SIPA1L3: variants seen among roughly 807,000 people sequenced by gnomAD.
SIPA1L3 encodes the protein signal-induced proliferation-associated 1-like protein 3.
Under a neutral mutation model 150.1 loss-of-function variants are expected in SIPA1L3, and 59 were observed. The ratio of observed to expected loss-of-function variants is 0.39; its 90% confidence interval spans 0.32 to 0.49. The LOEUF is 0.49. Among genes scored for constraint, SIPA1L3 ranks in the 20% least tolerant of loss-of-function variants. The probability of loss-of-function intolerance (pLI) is 0.86; values close to 1 mark genes in which losing one functional copy is unlikely to be tolerated. For synonymous variants in SIPA1L3, 1,070 were observed against 1,077.6 expected (o/e 0.99, Z 0.14); for missense variants, 2,211 against 2,489.5 (o/e 0.89, Z 2.38).
At chr19:38,124,563 G>A (rs948513089) in intron 9 of SIPA1L3, among the ~76,000 whole-genome samples, 3 of 151,694 alleles carry the variant, frequency 2.0e-5, no homozygotes, top group Non-Finnish European at 2.9e-5. Flanking sequence ...GACGATGGGC[G>A]GCCAGGCAGA....
Position 38,176,358 on chromosome 19 carries a change from C to A in SIPA1L3, c.4209-6161C>A, listed in dbSNP as rs147278086. On this transcript the variant is annotated intron_variant, in intron 15 of 21. Coordinates refer to ENST00000222345, the MANE Select transcript of SIPA1L3 (RefSeq NM_015073.3). ...GTGCCATTTATGTAGTTTAATTAGACTTTTTTTAGGGTTGGTTTTTTTTTT... is the reference window on the plus strand; with the variant it reads ...GTGCCATTTATGTAGTTTAATTAGAATTTTTTTAGGGTTGGTTTTTTTTTT... Among the ~76,000 whole-genome samples, 467 of 151,470 alleles carry A rather than the reference C, an allele frequency of 3.1e-3. 3 individuals are homozygous for A. The highest frequency in any genetic ancestry group is 0.011 in the African/African-American group (441 of 41,328).
chr19:38,007,589 T>A lies in SIPA1L3; in HGVS notation c.-378-21500T>A, dbSNP rs1228208743. Among the ~76,000 whole-genome samples, 10 of 151,920 alleles carry A rather than the reference T, an allele frequency of 6.6e-5. No individual in the cohort carries two copies. In the East Asian group the frequency reaches 1.9e-3, roughly 29 times the overall value. Reference sequence around the variant, plus strand: ...ATGCCAGTCAGCCCTGGAGCACTCTTCATTATTTATTATTATTATTATTAT... The same window carrying A: ...ATGCCAGTCAGCCCTGGAGCACTCTACATTATTTATTATTATTATTATTAT... On this transcript the variant is annotated intron_variant, in intron 1 of 21. Coordinates refer to ENST00000222345, the MANE Select transcript of SIPA1L3 (RefSeq NM_015073.3).
intron 1 of SIPA1L3, among the ~76,000 whole-genome samples, chr19:38,006,037 C>T (rs2145670010): frequency 6.6e-6 from 1 of 152,240 alleles, no homozygotes; most frequent in Non-Finnish European, 1.5e-5. Context: ...GACGCTGTCT[C>T]AAAGAAAAAT....
chr19:38,133,484 A>G (rs1294500163), intron 10 of SIPA1L3, among the ~76,000 whole-genome samples: 2 of 152,136 alleles, frequency 1.3e-5, no homozygotes, highest in African/African-American at 4.8e-5. Context: ...GTCCCTAGCA[A>G]CCTCCAGAAG....
intron 1 of SIPA1L3, among the ~76,000 whole-genome samples, chr19:37,993,594 T>A (rs1410709273): frequency 6.6e-6 from 1 of 152,152 alleles, no homozygotes; most frequent in African/African-American, 2.4e-5. Flanking sequence ...AAAGTGTAAA[T>A]CGCAGATACG....
Position 38,208,293 on chromosome 19 carries a change from T to A in SIPA1L3, c.*2053T>A, listed in dbSNP as rs1973275492. On this transcript the variant is annotated 3_prime_UTR_variant, in exon 22 of 22. Transcript: ENST00000222345. The stretch of plus-strand genomic sequence containing the variant: ...TTTTTTATTATTCTTTATTGTCTTT[T>A]TTTTTTCCCCATCCCTGTCTTGAGA... The A allele has an allele frequency of 6.6e-6, 1 of 152,496 alleles. No individual in the cohort carries two copies. The highest frequency in any genetic ancestry group is 2.4e-5 in the African/African-American group (1 of 41,384). 9.4% of individuals were successfully genotyped at this position (152,496 alleles called of 1,614,324 possible).
At chr19:38,130,960 A>G (rs1971294996) in intron 10 of SIPA1L3, 188 bp downstream of exon 10, 1 of 621,974 alleles carries the variant, frequency 1.6e-6, no homozygotes, top group African/African-American at 1.8e-5. Flanking sequence ...TATGCCAGTT[A>G]TTGGTTTAGC....
rs1433853748 is a variant in SIPA1L3, at chr19:38,125,022, A to AGGGAGAGGGAGAGGGAGACCGTG, written c.2868+5157_2868+5158insACCGTGGGGAGAGGGAGAGGGAG. ...AGAGGGAGAGGGAGACCGTGGGGAG[A>AGGGAGAGGGAGAGGGAGACCGTG]GGGAGAGGGAGAGGGAGCTGTTTTG... On this transcript the variant is annotated intron_variant, in intron 9 of 21. Transcript: ENST00000222345. 5.3e-3 allele frequency among the ~76,000 whole-genome samples: 793 copies of AGGGAGAGGGAGAGGGAGACCGTG among 149,150 alleles called. 14 individuals carry two copies. The highest frequency in any genetic ancestry group is 0.018 in the African/African-American group (738 of 40,326).
chr19:37,957,443 T>A (rs1177173181), intron 1 of SIPA1L3, among the ~76,000 whole-genome samples: 3 of 152,252 alleles, frequency 2.0e-5, no homozygotes, highest in African/African-American at 4.8e-5. Context: ...TGTCTTTAAT[T>A]TCTTTCAGCT....
At chr19:38,029,583 C>G (rs113704422) in intron 2 of SIPA1L3, among the ~76,000 whole-genome samples, 1 of 151,714 alleles carries the variant, frequency 6.6e-6, no homozygotes, top group East Asian at 1.9e-4. Context: ...AGAGTAAAAC[C>G]CTCTTTTGGT....
At chr19:38,195,787 G>C in intron 18 of SIPA1L3, among the ~76,000 whole-genome samples, 1 of 91,466 alleles carries the variant, frequency 1.1e-5, no homozygotes, top group Admixed American at 1.1e-4. Flanking sequence ...ACCACCACAG[G>C]CCCCGTCCCC....
intron 1 of SIPA1L3, among the ~76,000 whole-genome samples, chr19:37,938,532 G>A (rs540997862): frequency 2.2e-4 from 34 of 152,004 alleles, no homozygotes; most frequent in Non-Finnish European, 4.7e-4. Context: ...TACCCCTGAA[G>A]ACTAGTAAGG....
At chr19:38,142,495 G>A (rs1971611562) in intron 11 of SIPA1L3, 78 bp from the exon 12 acceptor site, 1 of 1,471,984 alleles carries the variant, frequency 6.8e-7, no homozygotes, top group South Asian at 1.3e-5. Context: ...CCATCCATCT[G>A]TCTGTCCGTC....
Position 38,201,949 on chromosome 19 carries a change from T to G in SIPA1L3, c.5072T>G (p.Leu1691Arg). The G allele has an allele frequency of 6.2e-7, 1 of 1,613,824 alleles. No individual in the cohort carries two copies. The highest frequency in any genetic ancestry group is 8.5e-7 in the Non-Finnish European group (1 of 1,179,886). ...GCACACAGTCCTGTCCACAGCCACC[T>G]GAGCCTGGAGAGGGGACCCCCGACC... Reference protein sequence around the residue: ...PPAHSPVHSHLSLERGPPTPR... With the variant: ...PPAHSPVHSHRSLERGPPTPR... The change falls in exon 20 of 22, where the codon CTG becomes CGG. Residue 1691 changes from leucine to arginine, a missense_variant. This residue lies in a region of SIPA1L3 where 806 missense variants were observed against 870.1 expected (regional missense o/e 0.93). Coordinates refer to ENST00000222345, the MANE Select transcript of SIPA1L3 (RefSeq NM_015073.3).
In SIPA1L3 at chr19:38,119,647, A is replaced by G. The variant is rs1970971336; in HGVS notation, c.2633A>G (p.Gln878Arg). 2 of 1,614,070 alleles carry G rather than the reference A, an allele frequency of 1.2e-6. No homozygotes were observed. The highest frequency in any genetic ancestry group is 1.7e-5 in the Admixed American group (1 of 60,004). Residue 878 changes from glutamine to arginine, a missense_variant, in exon 9 of 22, where the codon CAG becomes CGG. By Grantham distance (43) the Gln-to-Arg change is conservative. This residue lies in a region of SIPA1L3 where 625 missense variants were observed against 804.2 expected (regional missense o/e 0.78). Coordinates refer to ENST00000222345, the MANE Select transcript of SIPA1L3 (RefSeq NM_015073.3). Reference sequence around the variant, plus strand: ...GCCATCGCCTGGAGGGTGGTGGCCCAGGACTACGCCCAGGGGGTGGAAATC... The same window carrying G: ...GCCATCGCCTGGAGGGTGGTGGCCCGGGACTACGCCCAGGGGGTGGAAATC... Reference protein sequence around the residue: ...AGAIAWRVVAQDYAQGVEIDC... With the variant: ...AGAIAWRVVARDYAQGVEIDC...
In SIPA1L3 at chr19:38,141,396, T is replaced by C; in HGVS notation, c.3356T>C (p.Ile1119Thr). Reference sequence around the variant, plus strand: ...AGCCGGCCCCTGAAGCAGACCCCCATAGTCCCCTTCCGGGAGTCCCAGCCA... The same window carrying C: ...AGCCGGCCCCTGAAGCAGACCCCCACAGTCCCCTTCCGGGAGTCCCAGCCA... Reference protein sequence around the residue: ...SLSRPLKQTPIVPFRESQPLH... With the variant: ...SLSRPLKQTPTVPFRESQPLH... Residue 1119 changes from isoleucine (I) to threonine (T), a missense_variant, in exon 11 of 22, where the codon ATA (isoleucine) becomes ACA (threonine). Transcript: ENST00000222345. The C allele has an allele frequency of 6.2e-7, 1 of 1,612,874 alleles. No individual in the cohort carries two copies. The highest frequency in any genetic ancestry group is 1.1e-5 in the South Asian group (1 of 91,078).
At chr19:38,006,950 G>T (rs960724110) in intron 1 of SIPA1L3, among the ~76,000 whole-genome samples, 1 of 152,222 alleles carries the variant, frequency 6.6e-6, no homozygotes. Flanking sequence ...TGTCTGTGCA[G>T]CGGAATACCA....
At chr19:38,186,010 G>C (rs992314293) in intron 16 of SIPA1L3, 1 of 152,538 alleles carries the variant, frequency 6.6e-6, no homozygotes, top group South Asian at 2.1e-4. Context: ...ACCTGTCCCA[G>C]GGCACAGCGA....
chr19:37,915,108 A>G (rs2046405058), intron 1 of SIPA1L3, among the ~76,000 whole-genome samples: 1 of 152,074 alleles, frequency 6.6e-6, no homozygotes, highest in South Asian at 2.1e-4. Flanking sequence ...TTAGTACCTA[A>G]TTGATGTGGC....
Sources: allele counts gnomAD v4.1 joint callset (sites outside exome capture counted in the v4.1 genomes callset), GRCh38; gene constraint gnomAD v4.1.1; regional missense constraint gnomAD v4.1.1; transcripts MANE v1.5; gene names NCBI Gene and HGNC (gene_info 2026-07-23, HGNC 2026-07-21).